Variants in VWA3B observed in about 807,000 individuals in gnomAD.
VWA3B encodes the protein von Willebrand factor A domain containing 3B.
VWA3B carries 138 observed loss-of-function variants against 158.3 expected under a neutral mutation model. That is an observed-to-expected ratio of 0.87 (90% CI 0.76 to 1.00). The LOEUF (loss-of-function observed/expected upper bound fraction) is 1.00, where lower values mean the gene tolerates loss of function less well. Among genes scored for constraint, VWA3B ranks in the 50% least tolerant of loss-of-function variants. VWA3B has a pLI of 0.00. For synonymous variants in VWA3B, 596 were observed against 587.3 expected (o/e 1.01, Z -0.21); for missense variants, 1,555 against 1,565.1 (o/e 0.99, Z 0.11).
At chr2:98,176,465 C>T in intron 8 of VWA3B, among the ~76,000 whole-genome samples, 1 of 139,740 alleles carries the variant, frequency 7.2e-6, no homozygotes, top group African/African-American at 2.6e-5. Context: ...CTCCCTCCTT[C>T]CTTCCTTCCT....
Position 98,198,372 on chromosome 2 carries a change from G to A in VWA3B, c.1737+3880G>A, listed in dbSNP as rs190251944. Among the ~76,000 whole-genome samples, 501 of 151,758 alleles carry A rather than the reference G, an allele frequency of 3.3e-3. 4 individuals carry two copies. Among genetic ancestry groups the A allele is most frequent in the Non-Finnish European group, 2.8e-3 (188 of 67,928 alleles). On this transcript the variant is annotated intron_variant, in intron 12 of 27. Transcript: ENST00000477737. Reference sequence around the variant, plus strand: ...TTTTTTTTTCTGCTTTAACTTTACAGTATCCATTCAAAAAACTGTCTTCCA... The same window carrying A: ...TTTTTTTTTCTGCTTTAACTTTACAATATCCATTCAAAAAACTGTCTTCCA...
At chr2:98,283,786 G>A (rs1689013174) in intron 22 of VWA3B, among the ~76,000 whole-genome samples, 1 of 152,232 alleles carries the variant, frequency 6.6e-6, no homozygotes, top group Non-Finnish European at 1.5e-5. Context: ...AGATTATTTA[G>A]TTTGTTGCCT....
intron 20 of VWA3B, among the ~76,000 whole-genome samples, chr2:98,251,205 G>A (rs1686781694): frequency 6.6e-6 from 1 of 152,038 alleles, no homozygotes; most frequent in Non-Finnish European, 1.5e-5. Context: ...TCTTCAACAA[G>A]GTTTTAAAGA....
chr2:98,280,730 G>A (rs1482989382), intron 22 of VWA3B, among the ~76,000 whole-genome samples: 2 of 152,186 alleles, frequency 1.3e-5, no homozygotes, highest in Non-Finnish European at 2.9e-5. Context: ...TGGGGAGGCG[G>A]GGGAAAACCT....
intron 2 of VWA3B, among the ~76,000 whole-genome samples, chr2:98,114,767 C>G (rs1272329852): frequency 6.6e-6 from 1 of 152,202 alleles, no homozygotes; most frequent in East Asian, 1.9e-4. Flanking sequence ...CTGAGAGTTC[C>G]ATGAAGGAGC....
At chr2:98,118,879 T>C (rs1397522828) in intron 3 of VWA3B, among the ~76,000 whole-genome samples, 1 of 152,254 alleles carries the variant, frequency 6.6e-6, no homozygotes, top group Non-Finnish European at 1.5e-5. Context: ...GTCTGATCTA[T>C]GTGAAGGATG....
chr2:98,312,247 C>G lies in VWA3B; in HGVS notation c.3783C>G (p.Ser1261Arg). 1 of 1,614,168 alleles carries G rather than the reference C, an allele frequency of 6.2e-7. No homozygotes were observed. Among genetic ancestry groups the G allele is most frequent in the Non-Finnish European group, 8.5e-7 (1 of 1,180,044 alleles). Residue 1261 changes from serine (S) to arginine (R), a missense_variant, in exon 28 of 28, where the codon AGC becomes AGG. By Grantham distance (110) the Ser-to-Arg change is moderately radical. Transcript: ENST00000477737. ...FPAAGRLGLS[S>R]HAIIATPPPR... ...CGGCCGGGCGTCTAGGACTCAGCAG[C>G]CACGCCATCATTGCCACACCTCCAC...
intron 22 of VWA3B, among the ~76,000 whole-genome samples, chr2:98,286,442 A>G (rs1223230409): frequency 6.6e-6 from 1 of 152,084 alleles, no homozygotes; most frequent in East Asian, 1.9e-4. Flanking sequence ...GTTTTCTTCT[A>G]TTCCTGGTTT....
At chr2:98,094,876 T>G (rs905777394) in intron 2 of VWA3B, among the ~76,000 whole-genome samples, 6 of 152,192 alleles carry the variant, frequency 3.9e-5, no homozygotes, top group Non-Finnish European at 1.5e-5. Flanking sequence ...TTGAAGAGAC[T>G]GTCCTTTCCC....
chr2:98,127,191 G>T (rs1675434605), intron 5 of VWA3B, among the ~76,000 whole-genome samples: 1 of 152,136 alleles, frequency 6.6e-6, no homozygotes, highest in Admixed American at 6.5e-5. Context: ...ACATTTATAG[G>T]CCAGGTTGAG....
intron 17 of VWA3B, among the ~76,000 whole-genome samples, chr2:98,235,428 C>CTTA (rs1553423878): frequency 7.0e-6 from 1 of 142,466 alleles, no homozygotes; most frequent in Non-Finnish European, 1.5e-5. Flanking sequence ...CTTTTCCTCA[C>CTTA]TTTTTTTTTT....
At chr2:98,145,323 C>T (rs974382834) in intron 7 of VWA3B, among the ~76,000 whole-genome samples, 2 of 152,194 alleles carry the variant, frequency 1.3e-5, no homozygotes, top group Admixed American at 1.3e-4. Context: ...AGCCTCTTAC[C>T]AAATTCCAGC....
chr2:98,314,102 G>A (rs891369344), downstream of VWA3B, among the ~76,000 whole-genome samples: 1 of 152,192 alleles, frequency 6.6e-6, no homozygotes, highest in African/African-American at 2.4e-5. Context: ...TTTCCCAGTC[G>A]CTTCCTGGAG....
chr2:98,190,757 A>T (rs4069732), intron 10 of VWA3B, among the ~76,000 whole-genome samples: 151,556 of 152,272 alleles, frequency 1, 75,420 homozygotes, highest in Middle Eastern at 1. Flanking sequence ...ACACATAATG[A>T]CTTTGATGCT....
chr2:98,241,405 G>A (rs897100823), intron 19 of VWA3B, among the ~76,000 whole-genome samples: 1 of 152,002 alleles, frequency 6.6e-6, no homozygotes, highest in Non-Finnish European at 1.5e-5. Flanking sequence ...CTGGCACACA[G>A]AGAATAGTTG....
At position 98,311,955 on chromosome 2, in the gene VWA3B, G is replaced by A. The variant is rs764395277; in HGVS notation, c.3658G>A (p.Ala1220Thr). The A allele has an allele frequency of 1.2e-5, 19 of 1,606,818 alleles. No homozygotes were observed. In the South Asian group the frequency reaches 2.1e-4, roughly 18 times the overall value. Reference sequence around the variant, plus strand: ...CGCCAAGCAGCCACTCCAGCAGGCGGCGCCCTCGGACTCGGACGGCTCCTC... The same window carrying A: ...CGCCAAGCAGCCACTCCAGCAGGCGACGCCCTCGGACTCGGACGGCTCCTC... ...RPAKQPLQQA[A>T]PSDSDGSSHG... Residue 1220 changes from alanine (A) to threonine (T), a missense_variant, in exon 27 of 28, where the codon GCG becomes ACG. Transcript: ENST00000477737.
At chr2:98,110,557 A>T (rs1029162836) in intron 2 of VWA3B, among the ~76,000 whole-genome samples, 1 of 151,988 alleles carries the variant, frequency 6.6e-6, no homozygotes, top group South Asian at 2.1e-4. Flanking sequence ...ATGATGAATG[A>T]TTTTTTATTG....
At chr2:98,140,537 G>A (rs530275762) in intron 7 of VWA3B, among the ~76,000 whole-genome samples, 42 of 152,190 alleles carry the variant, frequency 2.8e-4, no homozygotes, top group African/African-American at 6.5e-4. Flanking sequence ...TGGGTGTTCC[G>A]TTAAGGAGGC....
intron 22 of VWA3B, among the ~76,000 whole-genome samples, chr2:98,279,414 G>A (rs1357072221): frequency 2.0e-5 from 3 of 152,086 alleles, no homozygotes; most frequent in African/African-American, 7.2e-5. Context: ...CTCTACATTT[G>A]TCTTTGTTCC....
Sources: allele counts gnomAD v4.1 joint callset (sites outside exome capture counted in the v4.1 genomes callset), GRCh38; gene constraint gnomAD v4.1.1; transcripts MANE v1.5; gene names NCBI Gene and HGNC (gene_info 2026-07-23, HGNC 2026-07-21).